The following NELL1 variants were observed in gnomAD, a reference collection of about 807,000 sequenced individuals.
NELL1 encodes protein kinase C-binding protein NELL1.
A neutral mutation model predicts 107.4 loss-of-function variants in NELL1; 76 were observed. The observed-to-expected ratio is 0.71, with a 90% CI of 0.59 to 0.86. The LOEUF is 0.86. Among genes scored for constraint, NELL1 ranks in the 40% least tolerant of loss-of-function variants. The pLI is 0.00. For synonymous variants in NELL1, 353 were observed against 341.2 expected (o/e 1.03, Z -0.38); for missense variants, 1,024 against 1,005.5 (o/e 1.02, Z -0.25).
intron 2 of NELL1, 111 bp downstream of exon 2, chr11:20,678,171 G>C (rs1205210999): frequency 7.9e-7 from 1 of 1,269,328 alleles, no homozygotes; most frequent in East Asian, 2.3e-5. Flanking sequence ...TATTTCTCTT[G>C]TGTTGCTGTC....
At chr11:21,038,651 G>A (rs1392699849) in intron 12 of NELL1, among the ~76,000 whole-genome samples, 1 of 152,046 alleles carries the variant, frequency 6.6e-6, no homozygotes, top group East Asian at 1.9e-4. Flanking sequence ...CTGTGCTGTG[G>A]CCCTGTTTTA....
chr11:21,005,162 A>G (rs12788869), intron 12 of NELL1, among the ~76,000 whole-genome samples: 54,040 of 152,130 alleles, frequency 0.36, 12,899 homozygotes, highest in African/African-American at 0.68. Context: ...TATATTTACC[A>G]ACATGAGTGG....
chr11:20,963,678 G>C (rs922231827), intron 12 of NELL1, among the ~76,000 whole-genome samples: 12 of 152,094 alleles, frequency 7.9e-5, no homozygotes, highest in African/African-American at 2.4e-4. Flanking sequence ...GAGACTCTCT[G>C]AGGCTTCATT....
At chr11:20,774,328 T>A (rs1371205188) in intron 2 of NELL1, among the ~76,000 whole-genome samples, 2 of 148,718 alleles carry the variant, frequency 1.3e-5, no homozygotes, top group African/African-American at 2.5e-5. Flanking sequence ...CTTTCTTTTT[T>A]TCTTTCCTTC....
intron 12 of NELL1, among the ~76,000 whole-genome samples, chr11:21,011,952 C>T (rs577786116): frequency 4.3e-4 from 65 of 152,224 alleles, no homozygotes; most frequent in African/African-American, 1.5e-3. Context: ...TATTCATCAC[C>T]GTAATGTGAA....
At chr11:21,370,623 C>T (rs1851335799) in intron 14 of NELL1, among the ~76,000 whole-genome samples, 1 of 152,010 alleles carries the variant, frequency 6.6e-6, no homozygotes, top group South Asian at 2.1e-4. Context: ...TAGCGCATGC[C>T]AGCCCTATGC....
intron 15 of NELL1, among the ~76,000 whole-genome samples, chr11:21,514,811 G>T (rs754283108): frequency 3.3e-5 from 5 of 152,190 alleles, no homozygotes; most frequent in Non-Finnish European, 7.3e-5. Flanking sequence ...TATGGATTGA[G>T]AAACTATTCT....
At chr11:20,874,719 C>G (rs1281880052) in intron 4 of NELL1, among the ~76,000 whole-genome samples, 2 of 151,960 alleles carry the variant, frequency 1.3e-5, no homozygotes, top group African/African-American at 4.8e-5. Context: ...CAGGAGTGCC[C>G]CTTCCCTCTG....
At chr11:21,370,333 T>C (rs1851329835) in intron 14 of NELL1, among the ~76,000 whole-genome samples, 1 of 152,076 alleles carries the variant, frequency 6.6e-6, no homozygotes, top group Non-Finnish European at 1.5e-5. Context: ...ATTACCAAAA[T>C]ATTGGAAACA....
chr11:21,156,938 CAA>C (rs374536207), intron 13 of NELL1, among the ~76,000 whole-genome samples: 2 of 139,622 alleles, frequency 1.4e-5, no homozygotes. Context: ...ACTAAAAATA[CAA>C]AAAAAAAAAA....
chr11:21,274,146 T>C (rs1226897987), intron 14 of NELL1, among the ~76,000 whole-genome samples: 2 of 152,136 alleles, frequency 1.3e-5, no homozygotes, highest in African/African-American at 4.8e-5. Flanking sequence ...GTGTGCTGTA[T>C]TCAGGAAACC....
intron 5 of NELL1, among the ~76,000 whole-genome samples, chr11:20,894,039 C>G (rs1025006337): frequency 6.6e-6 from 1 of 152,078 alleles, no homozygotes; most frequent in South Asian, 2.1e-4. Context: ...GCATGGATGG[C>G]CTACTCACTA....
At chr11:21,346,935 A>AT in intron 14 of NELL1, among the ~76,000 whole-genome samples, 1 of 152,302 alleles carries the variant, frequency 6.6e-6, no homozygotes, top group East Asian at 1.9e-4. Context: ...TACAATAATA[A>AT]TAACCAAATG....
At chr11:21,206,271 A>G (rs374507056) in intron 13 of NELL1, among the ~76,000 whole-genome samples, 3 of 152,018 alleles carry the variant, frequency 2.0e-5, no homozygotes, top group Admixed American at 6.6e-5. Flanking sequence ...CATCGGTCCA[A>G]TCTCTGCCTA....
At chr11:21,436,999 T>A (rs1033051997) in intron 15 of NELL1, among the ~76,000 whole-genome samples, 13 of 152,224 alleles carry the variant, frequency 8.5e-5, no homozygotes, top group Admixed American at 8.5e-4. Flanking sequence ...TTAAATTTTT[T>A]AAAAATTTTA....
intron 14 of NELL1, among the ~76,000 whole-genome samples, chr11:21,306,408 C>G (rs1849605735): frequency 6.6e-6 from 1 of 152,004 alleles, no homozygotes; most frequent in South Asian, 2.1e-4. Context: ...TAGTTCACGA[C>G]TTGCTCATGA....
At chr11:20,963,973 G>A (rs1851340833) in intron 12 of NELL1, among the ~76,000 whole-genome samples, 1 of 152,096 alleles carries the variant, frequency 6.6e-6, no homozygotes, top group Admixed American at 6.6e-5. Flanking sequence ...TGTAGAGATT[G>A]TCGTAGAAAC....
chr11:20,915,814 A>G (rs1244308477), intron 5 of NELL1, among the ~76,000 whole-genome samples: 1 of 148,812 alleles, frequency 6.7e-6, no homozygotes, highest in African/African-American at 2.5e-5. Context: ...GAAGGAAACT[A>G]CATGCTTAGC....
At chr11:21,052,299 G>T (rs1853512234) in intron 12 of NELL1, among the ~76,000 whole-genome samples, 1 of 151,942 alleles carries the variant, frequency 6.6e-6, no homozygotes. Flanking sequence ...GTGAAGTTGG[G>T]ACCACAGAAG....
Sources: gnomAD v4.1 joint callset for allele counts (sites outside exome capture counted in the v4.1 genomes callset) on GRCh38, gnomAD v4.1.1 for gene constraint, MANE v1.5 for transcripts, NCBI Gene and HGNC (gene_info 2026-07-23, HGNC 2026-07-21) for gene names.